Variants in PEX14 observed in about 807,000 individuals in gnomAD.
The protein encoded by PEX14 is peroxisomal biogenesis factor 14, also known as peroxisomal membrane protein PEX14.
Under a neutral mutation model 49.5 loss-of-function variants are expected in PEX14, and 15 were observed. The observed-to-expected ratio is 0.30, with a 90% CI of 0.20 to 0.47. The LOEUF (loss-of-function observed/expected upper bound fraction) is 0.47. PEX14 is among the 20% of genes least tolerant of loss of function. PEX14 has a pLI of 1.00. For synonymous variants in PEX14, 210 were observed against 212.7 expected (o/e 0.99, Z 0.11); for missense variants, 398 against 494.8 (o/e 0.80, Z 1.86).
intron 2 of PEX14, among the ~76,000 whole-genome samples, chr1:10,509,201 G>A (rs2480785): frequency 0.26 from 40,121 of 152,004 alleles, 5,873 homozygotes; most frequent in Admixed American, 0.36. Flanking sequence ...GCCTGCCTCG[G>A]CCTCCCAAAG....
chr1:10,572,285 T>G (rs1342893443), intron 3 of PEX14, among the ~76,000 whole-genome samples: 4 of 152,218 alleles, frequency 2.6e-5, no homozygotes, highest in African/African-American at 9.6e-5. Context: ...ATCATACCCT[T>G]ACCTTAAACT....
intron 2 of PEX14, among the ~76,000 whole-genome samples, chr1:10,501,383 C>G (rs1028110103): frequency 1.1e-4 from 16 of 152,154 alleles, no homozygotes; most frequent in Admixed American, 6.5e-5. Context: ...CGGCTCACTG[C>G]AGGCTCTGCC....
At chr1:10,556,636 G>A (rs981069527) in intron 3 of PEX14, among the ~76,000 whole-genome samples, 11 of 152,216 alleles carry the variant, frequency 7.2e-5, no homozygotes, top group South Asian at 2.1e-4. Context: ...AGGGTTGCCG[G>A]GCTGTTTCTT....
intron 1 of PEX14, among the ~76,000 whole-genome samples, chr1:10,487,481 C>CTTTTTTTTTTTTTTTTTTTTTT (rs33968565): frequency 1.7e-4 from 15 of 86,760 alleles, no homozygotes; most frequent in Admixed American, 3.2e-4. Context: ...TTCTTTCTTT[C>CTTTTTTTTTTTTTTTTTTTTTT]TTTTTTTTTT....
chr1:10,536,446 G>T, intron 3 of PEX14, 149 bp downstream of exon 3: 1 of 680,158 alleles, frequency 1.5e-6, no homozygotes, highest in African/African-American at 1.8e-5. Flanking sequence ...GAACCCCCCA[G>T]TGGGGCATGC....
chr1:10,476,744 G>A (rs1266593968), intron 1 of PEX14, among the ~76,000 whole-genome samples: 1 of 152,148 alleles, frequency 6.6e-6, no homozygotes, highest in African/African-American at 2.4e-5. Context: ...GCCCGCCTCA[G>A]CCTCCCAAAG....
chr1:10,567,709 G>A (rs979815355), intron 3 of PEX14, among the ~76,000 whole-genome samples: 12 of 152,110 alleles, frequency 7.9e-5, no homozygotes, highest in Non-Finnish European at 1.5e-4. Context: ...TGACCAGGCT[G>A]GTCTTGAACT....
Position 10,597,932 on chromosome 1 carries a change from G to T in PEX14, c.170-1306G>T, listed in dbSNP as rs932726839. ...ATATGCCAGTATGGTGCAGGGCGGA[G>T]CTGTGCTTTAAAGCATTAATGTGCA... On this transcript the variant is annotated intron_variant, in intron 3 of 8. Coordinates refer to ENST00000356607, the MANE Select transcript of PEX14 (RefSeq NM_004565.3). The surrounding 1 kb of genome is among the most constrained non-coding windows in gnomAD (Gnocchi z 5.7). Among the ~76,000 whole-genome samples the T allele has an allele frequency of 2.0e-5, 3 of 152,234 alleles. No homozygotes were observed. The highest frequency in any genetic ancestry group is 7.2e-5 in the African/African-American group (3 of 41,468).
intron 3 of PEX14, among the ~76,000 whole-genome samples, chr1:10,598,420 C>G (rs1462123549): frequency 6.6e-6 from 1 of 152,242 alleles, no homozygotes; most frequent in African/African-American, 2.4e-5. Context: ...TGTGTCCCCA[C>G]TGGAAATGCG....
intron 3 of PEX14, among the ~76,000 whole-genome samples, chr1:10,578,196 T>C (rs1016126848): frequency 1.3e-5 from 2 of 152,128 alleles, no homozygotes; most frequent in Admixed American, 6.5e-5. Flanking sequence ...GAACTGCCCA[T>C]GCACAGGGGA....
intron 2 of PEX14, among the ~76,000 whole-genome samples, chr1:10,513,159 A>C (rs115534371): frequency 5.3e-5 from 8 of 152,312 alleles, no homozygotes; most frequent in African/African-American, 1.4e-4. Context: ...GTGTTTTCAC[A>C]ATAGTTAACA....
chr1:10,557,503 T>C (rs1184343498), intron 3 of PEX14, among the ~76,000 whole-genome samples: 1 of 152,216 alleles, frequency 6.6e-6, no homozygotes, highest in Non-Finnish European at 1.5e-5. Flanking sequence ...GAAGAATTGC[T>C]TGAACCCTGG....
intron 3 of PEX14, among the ~76,000 whole-genome samples, chr1:10,548,879 A>G (rs1639253482): frequency 6.6e-6 from 1 of 152,214 alleles, no homozygotes; most frequent in Non-Finnish European, 1.5e-5. Flanking sequence ...CAACATCCTG[A>G]TAGGAGCTGA....
In PEX14 at chr1:10,474,997, A is replaced by G. The variant is rs896802943; in HGVS notation, c.31A>G (p.Ser11Gly). 3 of 1,610,302 alleles carry G rather than the reference A, an allele frequency of 1.9e-6. No homozygotes were observed. Among genetic ancestry groups the G allele is most frequent in the Non-Finnish European group, 2.5e-6 (3 of 1,178,590 alleles). MASSEQAEQP[S>G]QPSSTPGSEN... is the part of the protein sequence containing the mutation. ...GTCCTCGGAGCAGGCAGAGCAGCCG[A>G]GCCAGGTAAGGGGAGTGGGACTGCC... The change falls in exon 1 of 9, where the codon AGC becomes GGC. Residue 11 changes from serine to glycine, a missense_variant. Physicochemically the swap from Ser to Gly is moderately conservative, Grantham distance 56 (BLOSUM62 0). This residue lies in a region of PEX14 where 56 missense variants were observed against 40.8 expected (regional missense o/e 1.37). Coordinates refer to ENST00000356607, the MANE Select transcript of PEX14 (RefSeq NM_004565.3).
intron 3 of PEX14, among the ~76,000 whole-genome samples, chr1:10,546,278 C>G (rs747103258): frequency 5.3e-5 from 8 of 151,196 alleles, no homozygotes; most frequent in Non-Finnish European, 8.9e-5. Flanking sequence ...TTAATACAGG[C>G]AGTTAGGCCG....
At position 10,608,364 on chromosome 1, in the gene PEX14, T is replaced by C. The variant is rs188864056; in HGVS notation, c.298+8998T>C. Among the ~76,000 whole-genome samples the C allele has an allele frequency of 5.3e-5, 8 of 152,284 alleles. No individual in the cohort carries two copies. The East Asian group carries it at 1.3e-3, about 26-fold the overall frequency. The stretch of plus-strand genomic sequence containing the variant: ...TTATCCGCATTGAGTTACATGTCTA[T>C]AAAAAATCAACTCACAGCCAGGCTT... On this transcript the variant is annotated intron_variant, in intron 4 of 8. Coordinates refer to ENST00000356607, the MANE Select transcript of PEX14 (RefSeq NM_004565.3).
rs755468161 is a variant in PEX14, at chr1:10,623,007, C to T, written c.385-12C>T. On this transcript the variant is annotated splice_polypyrimidine_tract_variant and intron_variant, in intron 5 of 8. Coordinates refer to ENST00000356607, the MANE Select transcript of PEX14 (RefSeq NM_004565.3). This position sits in a 1 kb window ranked among gnomAD's most constrained non-coding sequence, Gnocchi z 4.4. ...TCCGTATGCATTCCTCACCCTGTCCCGCTTCTTGCAGAAATACCTGCTCCC... is the reference window on the plus strand; with the variant it reads ...TCCGTATGCATTCCTCACCCTGTCCTGCTTCTTGCAGAAATACCTGCTCCC... 14 of 1,596,018 alleles carry T rather than the reference C, an allele frequency of 8.8e-6. No individual in the cohort carries two copies. The highest frequency in any genetic ancestry group is 1.7e-4 in the Middle Eastern group (1 of 6,004).
rs989713876 is a variant in PEX14, at chr1:10,537,642, C to T, written c.169+1345C>T. Among the ~76,000 whole-genome samples the T allele has an allele frequency of 5.3e-5, 8 of 152,052 alleles. 1 individual carries two copies. Among genetic ancestry groups the T allele is most frequent in the Non-Finnish European group, 1.5e-5 (1 of 68,022 alleles). On this transcript the variant is annotated intron_variant, in intron 3 of 8. Coordinates refer to ENST00000356607, the MANE Select transcript of PEX14 (RefSeq NM_004565.3). ...ATTATAACTGCCTGATCTTCTCTTCCACCGACAATGACCAGTTAGTCCTCA... is the reference window on the plus strand; with the variant it reads ...ATTATAACTGCCTGATCTTCTCTTCTACCGACAATGACCAGTTAGTCCTCA...
intron 1 of PEX14, among the ~76,000 whole-genome samples, chr1:10,475,541 G>A (rs1641181220): frequency 1.3e-5 from 2 of 152,208 alleles, no homozygotes; most frequent in Admixed American, 6.5e-5. Context: ...TGATAGGAAA[G>A]GGACGCACTG....
Sources: gnomAD v4.1 joint callset for allele counts (sites outside exome capture counted in the v4.1 genomes callset) on GRCh38, gnomAD v4.1.1 for gene constraint, gnomAD v4.1.1 regional missense constraint, Gnocchi (gnomAD v3.1) non-coding constraint, MANE v1.5 for transcripts, NCBI Gene and HGNC (gene_info 2026-07-23, HGNC 2026-07-21) for gene names.